Variants in DDX60L observed in about 807,000 individuals in gnomAD.
The protein encoded by DDX60L is DExD/H-box 60 like.
In DDX60L, 191 loss-of-function variants were observed where a neutral mutation model predicts 211.6. That is an observed-to-expected ratio of 0.90 (90% CI 0.80 to 1.02). The LOEUF is 1.02. DDX60L is among the 50% of genes least tolerant of loss of function. The pLI is 0.00. For synonymous variants in DDX60L, 706 were observed against 694.1 expected (o/e 1.02, Z -0.27); for missense variants, 2,007 against 1,984.1 (o/e 1.01, Z -0.22).
In DDX60L at chr4:168,358,062, T is replaced by G. The variant is rs1313744447; in HGVS notation, c.*85A>C. 2.9e-5 allele frequency: 36 copies of G among 1,249,974 alleles called. No homozygotes were observed. The highest frequency in any genetic ancestry group is 3.5e-5 in the Non-Finnish European group (31 of 888,550). The allele number at this position is 1,249,974 out of a possible 1,614,324, so 77.4% of individuals were successfully genotyped here. ...GTTTGACTCCAAGACAAACATTTTT[T>G]CCATTTCATTGTGTAAGCTTAATTA... On this transcript the variant is annotated 3_prime_UTR_variant, in exon 38 of 38. Transcript: ENST00000682922.
intron 19 of DDX60L, among the ~76,000 whole-genome samples, chr4:168,418,505 C>T (rs1213021049): frequency 6.6e-6 from 1 of 152,160 alleles, no homozygotes; most frequent in African/African-American, 2.4e-5. Context: ...GTCAGCAACA[C>T]ACAATACAGC....
intron 13 of DDX60L, 48 bp from the exon 14 acceptor site, chr4:168,427,370 T>C (rs1417176948): frequency 6.3e-7 from 1 of 1,577,858 alleles, no homozygotes; most frequent in Admixed American, 1.8e-5. Context: ...AAAATTCCAT[T>C]ATGACATTTC....
intron 10 of DDX60L, among the ~76,000 whole-genome samples, chr4:168,440,543 C>T (rs892877175): frequency 6.6e-6 from 1 of 152,130 alleles, no homozygotes; most frequent in Non-Finnish European, 1.5e-5. Flanking sequence ...TCACACTAAA[C>T]ATATCTCAGC....
At chr4:168,390,596 A>C in intron 29 of DDX60L, 5 of 918,176 alleles carry the variant, frequency 5.4e-6, no homozygotes, top group African/African-American at 1.7e-5. Context: ...TATATTTTAT[A>C]ATTTATCTTT....
At chr4:168,462,125 A>G in intron 4 of DDX60L, 85 bp from the exon 5 acceptor site, 1 of 1,016,032 alleles carries the variant, frequency 9.8e-7, no homozygotes, top group South Asian at 1.7e-5. Flanking sequence ...GCACAAAGCT[A>G]TACAGGACTG....
At chr4:168,463,488 G>A (rs1757586930) in intron 4 of DDX60L, among the ~76,000 whole-genome samples, 1 of 151,980 alleles carries the variant, frequency 6.6e-6, no homozygotes, top group African/African-American at 2.4e-5. Flanking sequence ...AATAACTAAT[G>A]GGTACTAGGC....
intron 1 of DDX60L, chr4:168,475,925 T>C (rs919391654): frequency 2.1e-5 from 3 of 142,246 alleles, no homozygotes; most frequent in Admixed American, 7.0e-5. Context: ...CCTTTGCTCC[T>C]GCTTGCTCAC....
chr4:168,466,857 A>C (rs962525354), intron 4 of DDX60L, among the ~76,000 whole-genome samples: 1 of 152,232 alleles, frequency 6.6e-6, no homozygotes, highest in Non-Finnish European at 1.5e-5. Flanking sequence ...AGAAAGCAGC[A>C]GATAATCAAA....
Position 168,406,702 on chromosome 4 carries a change from T to G in DDX60L, c.2984A>C (p.Glu995Ala). ...AAGATCAGGTGGGAATCCATACTTT[T>G]CAATCTGTGAATAAACAAATTAATG... ...PCAALTTDIIEKYGFPPDLTL... is the reference protein window; with the variant it reads ...PCAALTTDIIAKYGFPPDLTL... The change falls in exon 23 of 38, where the codon GAA becomes GCA. Residue 995 changes from glutamate to alanine, a missense_variant. Transcript: ENST00000682922. 6.3e-7 allele frequency: 1 copy of G among 1,582,962 alleles called. No individual in the cohort carries two copies. The highest frequency in any genetic ancestry group is 8.6e-7 in the Non-Finnish European group (1 of 1,164,566).
intron 29 of DDX60L, 23 bp downstream of exon 29, chr4:168,391,517 G>C (rs1744812621): frequency 1.4e-6 from 2 of 1,428,496 alleles, no homozygotes; most frequent in East Asian, 2.3e-5. Flanking sequence ...TCAGCAATGG[G>C]AGTTAAAGAG....
intron 17 of DDX60L, among the ~76,000 whole-genome samples, chr4:168,420,838 G>A (rs949100476): frequency 5.3e-5 from 8 of 152,034 alleles, no homozygotes; most frequent in Admixed American, 1.3e-4. Context: ...TGTGTTTGTC[G>A]GGATCCTTTC....
chr4:168,404,131 TAAA>T, intron 24 of DDX60L, 25 bp from the exon 25 acceptor site: 18 of 1,034,322 alleles, frequency 1.7e-5, no homozygotes, highest in East Asian at 1.1e-4. Context: ...AAAAATTATT[TAAA>T]AAAAAAAAAA....
At chr4:168,442,642 A>G (rs1579677129) in intron 9 of DDX60L, among the ~76,000 whole-genome samples, 1 of 152,066 alleles carries the variant, frequency 6.6e-6, no homozygotes, top group East Asian at 1.9e-4. Context: ...ACAGCTTTGA[A>G]GAGAGCAGTG....
intron 17 of DDX60L, 99 bp downstream of exon 17, chr4:168,421,660 TA>T: frequency 6.7e-7 from 1 of 1,485,290 alleles, no homozygotes; most frequent in Non-Finnish European, 9.1e-7. Context: ...GTCTCAAAAA[TA>T]AAATAACAGT....
At chr4:168,434,307 T>C (rs368897002) in intron 10 of DDX60L, among the ~76,000 whole-genome samples, 9 of 152,334 alleles carry the variant, frequency 5.9e-5, no homozygotes, top group South Asian at 2.1e-4. Context: ...GAAACTCCAA[T>C]TGGACATGTG....
intron 34 of DDX60L, among the ~76,000 whole-genome samples, 198 bp downstream of exon 34, chr4:168,375,179 T>C (rs1741731244): frequency 6.6e-6 from 1 of 152,210 alleles, no homozygotes; most frequent in Non-Finnish European, 1.5e-5. Context: ...ATAAAGTTTT[T>C]TTTTAATTGG....
chr4:168,376,922 TA>T (rs1742051033), intron 33 of DDX60L, among the ~76,000 whole-genome samples: 1 of 152,212 alleles, frequency 6.6e-6, no homozygotes, highest in African/African-American at 2.4e-5. Context: ...CAAATTATGG[TA>T]CATAATATAA....
chr4:168,375,616 T>C, intron 33 of DDX60L, 92 bp from the exon 34 acceptor site: 1 of 1,141,786 alleles, frequency 8.8e-7, no homozygotes, highest in Non-Finnish European at 1.2e-6. Context: ...GTTCTGTAGA[T>C]TGATGCTCAT....
rs148899120 is a variant in DDX60L at position 168,416,806 on chromosome 4, GA to G, written c.2611-10del. 6.0e-5 allele frequency: 85 copies of G among 1,416,678 alleles called. No homozygotes were observed. The highest frequency in any genetic ancestry group is 9.5e-5 in the South Asian group (7 of 73,914). 87.8% of individuals were successfully genotyped at this position (1,416,678 alleles called of 1,614,324 possible). A position where few individuals can be genotyped will look rare whatever the true frequency, so the allele number is the denominator to read the frequency against. ...CTGCCAAGATAATGGACCTAGTAAA[GA>G]AAAAAAAATCAGTTGAAAAGTTGAT... is the stretch of plus-strand genomic sequence containing the variant. On this transcript the variant is annotated splice_polypyrimidine_tract_variant and intron_variant, in intron 19 of 37. Transcript: ENST00000682922.
Sources: gnomAD v4.1 joint callset for allele counts (sites outside exome capture counted in the v4.1 genomes callset) on GRCh38, gnomAD v4.1.1 for gene constraint, MANE v1.5 for transcripts, NCBI Gene and HGNC (gene_info 2026-07-23, HGNC 2026-07-21) for gene names.